The following DIP2C variants were observed in gnomAD, a reference collection of about 807,000 sequenced individuals.
DIP2C encodes disco-interacting protein 2 homolog C.
Under a neutral mutation model 192.4 loss-of-function variants are expected in DIP2C, and 33 were observed. That is an observed-to-expected ratio of 0.17 (90% CI 0.13 to 0.23). DIP2C has a LOEUF of 0.23. Among genes scored for constraint, DIP2C ranks in the 10% least tolerant of loss-of-function variants. The probability of loss-of-function intolerance (pLI) is 1.00; values close to 1 mark genes in which losing one functional copy is unlikely to be tolerated. For missense variants in DIP2C, 1,537 were observed against 2,110.1 expected, an observed-to-expected ratio of 0.73 and a Z score of 5.32; for synonymous variants, 979 against 864.1, an observed-to-expected ratio of 1.13 and a Z score of -2.33.
At chr10:442,573 G>A (rs1413206469) in intron 3 of DIP2C, among the ~76,000 whole-genome samples, 3 of 152,120 alleles carry the variant, frequency 2.0e-5, no homozygotes, top group Admixed American at 6.6e-5. Context: ...CAGAAAATCT[G>A]CAAGACCAGT....
At position 594,875 on chromosome 10, in the gene DIP2C, G is replaced by C. The variant is rs143951325; in HGVS notation, c.85+94619C>G. ...TGCAGGAAATGATGAGCCTGATTCGGGCTTTGACCTTGAGCTAATTAGCAT... is the reference window on the plus strand; with the variant it reads ...TGCAGGAAATGATGAGCCTGATTCGCGCTTTGACCTTGAGCTAATTAGCAT... On this transcript the variant is annotated intron_variant, in intron 1 of 36. Coordinates refer to ENST00000280886, the MANE Select transcript of DIP2C (RefSeq NM_014974.3). Among the ~76,000 whole-genome samples, 70 of 152,276 alleles carry C rather than the reference G, an allele frequency of 4.6e-4. No homozygotes were observed. In the East Asian group the frequency reaches 0.011, roughly 25 times the overall value.
chr10:286,247 T>C, intron 34 of DIP2C, 26 bp downstream of exon 34: 5 of 1,612,302 alleles, frequency 3.1e-6, no homozygotes, highest in Non-Finnish European at 4.2e-6. Context: ...AAAAGTAACC[T>C]GGATCTCGGA....
chr10:471,724 T>G (rs1055435155), intron 3 of DIP2C, among the ~76,000 whole-genome samples: 1 of 152,216 alleles, frequency 6.6e-6, no homozygotes, highest in Non-Finnish European at 1.5e-5. Context: ...TCTCTCAGAA[T>G]AATTCAAACA....
At chr10:332,685 C>T (rs1285966920) in intron 29 of DIP2C, among the ~76,000 whole-genome samples, 1 of 152,200 alleles carries the variant, frequency 6.6e-6, no homozygotes, top group Non-Finnish European at 1.5e-5. Context: ...TAAAAATAGA[C>T]ATTTTGGTAA....
chr10:344,472 G>A (rs950812455), intron 28 of DIP2C, among the ~76,000 whole-genome samples: 3 of 152,130 alleles, frequency 2.0e-5, no homozygotes, highest in East Asian at 3.9e-4. Flanking sequence ...TTCTAATAGA[G>A]CCCAGGTTAA....
chr10:364,917 G>A (rs1452140341), intron 19 of DIP2C: 3 of 550,552 alleles, frequency 5.4e-6, no homozygotes, highest in African/African-American at 3.7e-5. Context: ...AAACCACAAT[G>A]TAAAAGACGA....
intron 1 of DIP2C, among the ~76,000 whole-genome samples, chr10:536,151 C>A (rs1847679257): frequency 6.6e-6 from 1 of 152,304 alleles, no homozygotes; most frequent in Middle Eastern, 3.4e-3. Flanking sequence ...AAGTGGGATC[C>A]TTGCTACCTC....
chr10:354,757 G>C (rs1958996725), intron 24 of DIP2C, among the ~76,000 whole-genome samples: 1 of 152,008 alleles, frequency 6.6e-6, no homozygotes, highest in South Asian at 2.1e-4. Context: ...AAGGGATCTG[G>C]GGTGCCGAAG....
intron 4 of DIP2C, among the ~76,000 whole-genome samples, chr10:423,538 A>G (rs1966354080): frequency 6.6e-6 from 1 of 152,026 alleles, no homozygotes; most frequent in Non-Finnish European, 1.5e-5. Context: ...TGTGTTAGAC[A>G]CCCATGCAGC....
chr10:448,661 CACTCACCCCT>C (rs1968553797), intron 3 of DIP2C, among the ~76,000 whole-genome samples: 2 of 140,136 alleles, frequency 1.4e-5, no homozygotes, highest in Non-Finnish European at 1.5e-5. Flanking sequence ...AAGCAGGACC[CACTCACCCCT>C]GTCGATATTC....
At position 636,117 on chromosome 10, in the gene DIP2C, A is replaced by G. The variant is rs2131907758; in HGVS notation, c.85+53377T>C. Among the ~76,000 whole-genome samples, 1 of 152,306 alleles carries G rather than the reference A, an allele frequency of 6.6e-6. No homozygotes were observed. Among genetic ancestry groups the G allele is most frequent in the Non-Finnish European group, 1.5e-5 (1 of 68,018 alleles). On this transcript the variant is annotated intron_variant, in intron 1 of 36. Coordinates refer to ENST00000280886, the MANE Select transcript of DIP2C (RefSeq NM_014974.3). The surrounding 1 kb of genome is among the most constrained non-coding windows in gnomAD (Gnocchi z 4.6). ...CCAGCATCAACCTGTGCTCATAGCT[A>G]CATACAAAATAACTTTATCACAAGG...
intron 1 of DIP2C, among the ~76,000 whole-genome samples, chr10:497,251 G>A (rs1844900683): frequency 6.6e-6 from 1 of 152,186 alleles, no homozygotes; most frequent in African/African-American, 2.4e-5. Context: ...TTCAGAACAG[G>A]TTAGGCCATT....
At position 624,848 on chromosome 10, in the gene DIP2C, G is replaced by A. The variant is rs746005071; in HGVS notation, c.85+64646C>T. On this transcript the variant is annotated intron_variant, in intron 1 of 36. Coordinates refer to ENST00000280886, the MANE Select transcript of DIP2C (RefSeq NM_014974.3). ...AGAAAACTACGGAAGCTGTGAAGACGGAGGTGTGCATGTGGCCGGGAGAAC... is the reference window on the plus strand; with the variant it reads ...AGAAAACTACGGAAGCTGTGAAGACAGAGGTGTGCATGTGGCCGGGAGAAC... Among the ~76,000 whole-genome samples the A allele has an allele frequency of 3.9e-5, 6 of 152,272 alleles. No individual in the cohort carries two copies. In the East Asian group the frequency reaches 7.7e-4, roughly 20 times the overall value.
At chr10:656,318 G>A (rs374840267) in intron 1 of DIP2C, among the ~76,000 whole-genome samples, 1 of 150,520 alleles carries the variant, frequency 6.6e-6, no homozygotes, top group African/African-American at 2.5e-5. Context: ...TCTACTCTAT[G>A]CTACCTTATC....
intron 1 of DIP2C, among the ~76,000 whole-genome samples, chr10:523,924 G>C (rs1279343729): frequency 6.6e-6 from 1 of 152,326 alleles, no homozygotes; most frequent in South Asian, 2.1e-4. Context: ...GAAACCCAAA[G>C]CATTTTAGGA....
chr10:430,893 G>C (rs1471980295), intron 4 of DIP2C, among the ~76,000 whole-genome samples: 1 of 152,232 alleles, frequency 6.6e-6, no homozygotes, highest in Admixed American at 6.5e-5. Flanking sequence ...TTTTTTGAAA[G>C]ATGTAAGGTC....
intron 1 of DIP2C, among the ~76,000 whole-genome samples, chr10:678,695 C>T (rs1213458847): frequency 2.2e-4 from 4 of 17,982 alleles, no homozygotes; most frequent in African/African-American, 3.2e-4. Flanking sequence ...GCTCCCCACA[C>T]CCGTTCTCCC....
chr10:615,441 G>A (rs1335831991), intron 1 of DIP2C, among the ~76,000 whole-genome samples: 1 of 152,128 alleles, frequency 6.6e-6, no homozygotes, highest in African/African-American at 2.4e-5. Context: ...CGCTAAATTT[G>A]AACTTTCGCC....
At chr10:643,453 G>A (rs902526769) in intron 1 of DIP2C, among the ~76,000 whole-genome samples, 1 of 152,046 alleles carries the variant, frequency 6.6e-6, no homozygotes, top group East Asian at 1.9e-4. Flanking sequence ...GGCGGAGCCT[G>A]CAGTGAACTG....
Sources: allele counts gnomAD v4.1 joint callset (sites outside exome capture counted in the v4.1 genomes callset), GRCh38; gene constraint gnomAD v4.1.1; non-coding constraint Gnocchi (gnomAD v3.1); transcripts MANE v1.5; gene names NCBI Gene and HGNC (gene_info 2026-07-23, HGNC 2026-07-21).